Variants in PLAUR observed in about 807,000 individuals in gnomAD.
PLAUR encodes urokinase plasminogen activator surface receptor.
In PLAUR, 22 loss-of-function variants were observed where a neutral mutation model predicts 33.4. The observed-to-expected ratio is 0.66, with a 90% CI of 0.47 to 0.94. The LOEUF (loss-of-function observed/expected upper bound fraction) is 0.94. Ranked by LOEUF, PLAUR falls within the 40% of genes least tolerant of loss-of-function variation. The pLI is 0.00. For missense variants in PLAUR, 408 were observed against 434.7 expected (o/e 0.94, Z 0.55); for synonymous variants, 148 against 167.3 (o/e 0.88, Z 0.89).
chr19:43,658,794 A>AT (rs1419933124), intron 3 of PLAUR, among the ~76,000 whole-genome samples: 2 of 152,298 alleles, frequency 1.3e-5, no homozygotes, highest in Admixed American at 1.3e-4. Context: ...ATTTACATCC[A>AT]AAGCCCAATC....
chr19:43,662,030 C>A (rs899024717), intron 3 of PLAUR, among the ~76,000 whole-genome samples: 1 of 152,108 alleles, frequency 6.6e-6, no homozygotes, highest in African/African-American at 2.4e-5. Context: ...CTGTGCCTAG[C>A]CTGAATAGCT....
rs1180373617 is a variant in PLAUR at position 43,665,453 on chromosome 19, TCTC to T, written c.170_172del (p.Gly57del). 6 of 1,612,716 alleles carry T rather than the reference TCTC, an allele frequency of 3.7e-6. No homozygotes were observed. The highest frequency in any genetic ancestry group is 5.1e-6 in the Non-Finnish European group (6 of 1,179,796). Reference sequence around the variant, plus strand: ...GCTTTTCTCCACCAGCTCCAGCTCTTCTCCTTCTGCAAGGAGGGGATCTTCATT... The same window carrying T: ...GCTTTTCTCCACCAGCTCCAGCTCTTCTTCTGCAAGGAGGGGATCTTCATT... On this transcript the variant is annotated inframe_deletion, in exon 3 of 7. Coordinates refer to ENST00000340093, the MANE Select transcript of PLAUR (RefSeq NM_002659.4).
Position 43,665,312 on chromosome 19 carries a change from T to C in PLAUR, c.310+4A>G, listed in dbSNP as rs1967178317. 1.2e-6 allele frequency: 2 copies of C among 1,613,694 alleles called. No homozygotes were observed. Among genetic ancestry groups the C allele is most frequent in the African/African-American group, 1.3e-5 (1 of 74,854 alleles). On this transcript the variant is annotated splice_donor_region_variant and intron_variant, in intron 3 of 6. Coordinates refer to ENST00000340093, the MANE Select transcript of PLAUR (RefSeq NM_002659.4). ...TTGGGGATGGCAAGGGCTGCCCTACTCACCAGAGTTGCCCTGGTTGCACAA... is the reference window on the plus strand; with the variant it reads ...TTGGGGATGGCAAGGGCTGCCCTACCCACCAGAGTTGCCCTGGTTGCACAA...
At chr19:43,667,862 C>A (rs1344446838) in intron 1 of PLAUR, 171 bp from the exon 2 acceptor site, 23 of 1,440,480 alleles carry the variant, frequency 1.6e-5, no homozygotes, top group Non-Finnish European at 1.9e-5. Context: ...TGTCCGTTGT[C>A]CACGTTCTAC....
rs1317980796 is a variant in PLAUR at position 43,667,708 on chromosome 19, G to T, written c.56-17C>A. ...CCCAAGAGGCTGGGGGAAGGAGGGAGAGGAGAGGAGAGGTTAACTACGCTT... is the reference window on the plus strand; with the variant it reads ...CCCAAGAGGCTGGGGGAAGGAGGGATAGGAGAGGAGAGGTTAACTACGCTT... On this transcript the variant is annotated splice_polypyrimidine_tract_variant and intron_variant, in intron 1 of 6. Coordinates refer to ENST00000340093, the MANE Select transcript of PLAUR (RefSeq NM_002659.4). The T allele has an allele frequency of 6.2e-7, 1 of 1,611,910 alleles. No individual in the cohort carries two copies. The highest frequency in any genetic ancestry group is 8.5e-7 in the Non-Finnish European group (1 of 1,178,970).
chr19:43,666,802 C>A (rs1268751412), intron 2 of PLAUR, among the ~76,000 whole-genome samples: 1 of 152,078 alleles, frequency 6.6e-6, no homozygotes, highest in Non-Finnish European at 1.5e-5. Flanking sequence ...CTCCTGACCT[C>A]AGGTAATCCA....
chr19:43,654,478 C>G (rs4251895), intron 5 of PLAUR, among the ~76,000 whole-genome samples: 3,483 of 152,048 alleles, frequency 0.023, 51 homozygotes, highest in Middle Eastern at 0.072. Context: ...ATTGGTGGTG[C>G]ATGGTGGCTC....
At chr19:43,659,955 C>G (rs1482769994) in intron 3 of PLAUR, among the ~76,000 whole-genome samples, 1 of 152,122 alleles carries the variant, frequency 6.6e-6, no homozygotes, top group Non-Finnish European at 1.5e-5. Context: ...CTGAATATAT[C>G]GATTGTAGCA....
downstream of PLAUR, among the ~76,000 whole-genome samples, chr19:43,647,033 G>A (rs920510751): frequency 3.3e-5 from 5 of 151,940 alleles, no homozygotes; most frequent in Admixed American, 6.6e-5. Context: ...GCCCACCTCG[G>A]CCTCCCAAAG....
intron 6 of PLAUR, among the ~76,000 whole-genome samples, chr19:43,650,020 T>G (rs1973928836): frequency 1.1e-5 from 1 of 88,774 alleles, no homozygotes; most frequent in African/African-American, 8.4e-5. Context: ...TTTTTTTTGT[T>G]TTTTTTTTTG....
chr19:43,668,546 A>G (rs1248213273), intron 1 of PLAUR, among the ~76,000 whole-genome samples: 1 of 138,802 alleles, frequency 7.2e-6, no homozygotes, highest in Non-Finnish European at 1.5e-5. Flanking sequence ...ACTCCGCCCC[A>G]GTCCCTTCTT....
chr19:43,652,377 G>T lies in PLAUR; in HGVS notation c.608-6C>A. The T allele has an allele frequency of 1.2e-6, 2 of 1,613,398 alleles. No homozygotes were observed. The highest frequency in any genetic ancestry group is 1.7e-6 in the Non-Finnish European group (2 of 1,179,490). ...CAGATTTTCAAGCTCCAGGACTTAGGAGAAGACCAGAGACACAGAGACCAA... is the reference window on the plus strand; with the variant it reads ...CAGATTTTCAAGCTCCAGGACTTAGTAGAAGACCAGAGACACAGAGACCAA... On this transcript the variant is annotated splice_region_variant and splice_polypyrimidine_tract_variant and intron_variant, in intron 5 of 6. Coordinates refer to ENST00000340093, the MANE Select transcript of PLAUR (RefSeq NM_002659.4).
chr19:43,655,702 T>C lies in PLAUR; in HGVS notation c.473-129A>G, dbSNP rs1459183019. 5 of 799,496 alleles carry C rather than the reference T, an allele frequency of 6.3e-6. No individual in the cohort carries two copies. In the East Asian group the frequency reaches 1.1e-4, roughly 17 times the overall value. The allele number at this position is 799,496 out of a possible 1,614,324, so 49.5% of individuals were successfully genotyped here. A position where few individuals can be genotyped will look rare whatever the true frequency, so the allele number is the denominator to read the frequency against. On this transcript the variant is annotated intron_variant, in intron 4 of 6. Transcript: ENST00000340093. ...TTCATCATAAGACCCTCATTTTATC[T>C]AGAACAGTCATAGATCTTGTCGAAA... is the stretch of plus-strand genomic sequence containing the variant.
intron 5 of PLAUR, among the ~76,000 whole-genome samples, chr19:43,654,120 T>C (rs1167315332): frequency 1.4e-5 from 2 of 147,090 alleles, no homozygotes; most frequent in Non-Finnish European, 1.5e-5. Flanking sequence ...CAAGACTCCA[T>C]CTCAGAAAAA....
chr19:43,668,265 A>T (rs1483060197), intron 1 of PLAUR: 4 of 986,522 alleles, frequency 4.1e-6, no homozygotes, highest in African/African-American at 3.5e-5. Flanking sequence ...CGGAGTTTCT[A>T]TTGTTAGATA....
chr19:43,649,075 C>A lies in PLAUR; in HGVS notation c.823G>T (p.Gly275Cys). The part of the protein sequence containing the change: ...TASMCQHAHL[G>C]DAFSMNHIDV... ...ATGTGGTTCATGCTGAAGGCGTCAC[C>A]CAGGTGGGCATGTTGGCACATTGAG... is the stretch of plus-strand genomic sequence containing the variant. Residue 275 changes from glycine (G) to cysteine (C), a missense_variant, in exon 7 of 7, where the codon GGT becomes TGT. Physicochemically the swap from Gly to Cys is radical, Grantham distance 159. Coordinates refer to ENST00000340093, the MANE Select transcript of PLAUR (RefSeq NM_002659.4). 1 of 1,614,202 alleles carries A rather than the reference C, an allele frequency of 6.2e-7. No homozygotes were observed. Among genetic ancestry groups the A allele is most frequent in the Non-Finnish European group, 8.5e-7 (1 of 1,180,028 alleles).
intron 3 of PLAUR, chr19:43,656,905 G>T: frequency 3.2e-6 from 1 of 311,880 alleles, no homozygotes; most frequent in Admixed American, 4.9e-5. Flanking sequence ...TCACCCCAGT[G>T]CAGCATCTCC....
chr19:43,650,499 T>C (rs1424498180), intron 6 of PLAUR, among the ~76,000 whole-genome samples: 1 of 151,884 alleles, frequency 6.6e-6, no homozygotes, highest in Non-Finnish European at 1.5e-5. Flanking sequence ...CTAACTTTTG[T>C]ATTTTCTGTA....
intron 3 of PLAUR, among the ~76,000 whole-genome samples, chr19:43,662,293 C>T (rs568508538): frequency 6.6e-6 from 1 of 152,044 alleles, no homozygotes; most frequent in African/African-American, 2.4e-5. Context: ...GTCAAGAGTT[C>T]GAGACCAGCC....
Sources: allele counts gnomAD v4.1 joint callset (sites outside exome capture counted in the v4.1 genomes callset), GRCh38; gene constraint gnomAD v4.1.1; transcripts MANE v1.5; gene names NCBI Gene and HGNC (gene_info 2026-07-23, HGNC 2026-07-21).